SLC15A2: variants seen among roughly 807,000 people sequenced by gnomAD.
The protein encoded by SLC15A2 is solute carrier family 15 member 2.
In SLC15A2, 77 loss-of-function variants were observed where a neutral mutation model predicts 95.5. The observed-to-expected ratio is 0.81, with a 90% CI of 0.67 to 0.97. The LOEUF is 0.97. SLC15A2 is among the 50% of genes least tolerant of loss of function. SLC15A2 has a pLI of 0.00. For synonymous variants in SLC15A2, 306 were observed against 306.9 expected (o/e 1.00, Z 0.03); for missense variants, 893 against 874.4 (o/e 1.02, Z -0.27).
At chr3:121,905,924 T>A (rs995359354) in intron 3 of SLC15A2, among the ~76,000 whole-genome samples, 4 of 152,146 alleles carry the variant, frequency 2.6e-5, no homozygotes, top group Admixed American at 2.0e-4. Flanking sequence ...TATCTCATTG[T>A]TCTGTCTAAT....
At chr3:121,931,049 A>G (rs1324068370) in intron 18 of SLC15A2, 99 bp downstream of exon 18, 2 of 725,272 alleles carry the variant, frequency 2.8e-6, no homozygotes, top group African/African-American at 3.5e-5. Context: ...CATGTGGTCT[A>G]ATTTTGAGTA....
rs1354632255 is a variant in SLC15A2, at chr3:121,897,372, T to G, written c.194-16T>G. ...TTGTTTTGTCTCCCCACGCCTCCTT[T>G]TTTTTCCCACTACAGCTGTGCTGAT... On this transcript the variant is annotated splice_polypyrimidine_tract_variant and intron_variant, in intron 2 of 21. Transcript: ENST00000489711. 1 of 1,611,824 alleles carries G rather than the reference T, an allele frequency of 6.2e-7. No homozygotes were observed. The highest frequency in any genetic ancestry group is 1.1e-5 in the South Asian group (1 of 90,398).
At chr3:121,896,598 T>C (rs1347287599) in intron 2 of SLC15A2, 105 bp downstream of exon 2, 1 of 900,246 alleles carries the variant, frequency 1.1e-6, no homozygotes, top group Non-Finnish European at 1.8e-6. Context: ...GAGTCCACTC[T>C]TTCTGCCTTG....
At chr3:121,908,138 C>A (rs936631873) in intron 3 of SLC15A2, among the ~76,000 whole-genome samples, 2 of 152,250 alleles carry the variant, frequency 1.3e-5, no homozygotes, top group East Asian at 3.9e-4. Flanking sequence ...CGATCTCAGA[C>A]TGCTGCGCTA....
chr3:121,898,651 C>G (rs1470293628), intron 3 of SLC15A2, among the ~76,000 whole-genome samples: 1 of 152,152 alleles, frequency 6.6e-6, no homozygotes, highest in African/African-American at 2.4e-5. Context: ...CTGAGCAAAG[C>G]TAAAAATGTT....
intron 19 of SLC15A2, among the ~76,000 whole-genome samples, chr3:121,934,572 A>G (rs1269943906): frequency 6.0e-5 from 9 of 149,640 alleles, no homozygotes; most frequent in South Asian, 2.1e-4. Context: ...TTTGTCTGTT[A>G]TTGGTGTATA....
chr3:121,906,426 G>A (rs1035030127), intron 3 of SLC15A2, among the ~76,000 whole-genome samples: 10 of 152,142 alleles, frequency 6.6e-5, no homozygotes, highest in East Asian at 1.9e-4. Flanking sequence ...TATTTTGCCC[G>A]TTAGTTGATG....
Position 121,894,529 on chromosome 3 carries a change from C to G in SLC15A2, c.53C>G (p.Ser18Cys). The G allele has an allele frequency of 6.2e-7, 1 of 1,614,042 alleles. No individual in the cohort carries two copies. The highest frequency in any genetic ancestry group is 8.5e-7 in the Non-Finnish European group (1 of 1,179,946). The change falls in exon 1 of 22, where the codon TCC (serine) becomes TGC (cysteine). Residue 18 changes from serine (S) to cysteine (C), a missense_variant. Transcript: ENST00000489711. ...AAGGAAACTCTTTTTTCACCTGTCT[C>G]CATTGAAGAGGTACCACCTCGACCA... ...ESKETLFSPV[S>C]IEEVPPRPPS... is the part of the protein sequence containing the mutation.
intron 10 of SLC15A2, 21 bp downstream of exon 10, chr3:121,923,150 C>T: frequency 2.5e-6 from 4 of 1,612,988 alleles, no homozygotes; most frequent in Middle Eastern, 1.7e-4. Context: ...TTCTTTTGGA[C>T]ATTACCGCTC....
Position 121,926,264 on chromosome 3 carries a change from G to A in SLC15A2, c.1124+1231G>A, listed in dbSNP as rs536618631. Among the ~76,000 whole-genome samples, 3 of 152,290 alleles carry A rather than the reference G, an allele frequency of 2.0e-5. No individual in the cohort carries two copies. In the South Asian group the frequency reaches 6.2e-4, roughly 32 times the overall value. ...TAATCCCCAATGTTGGATGTTGGAG[G>A]TGGGGTCTGGTGGGAGGTAGTCGGA... is the stretch of plus-strand genomic sequence containing the variant. On this transcript the variant is annotated intron_variant, in intron 13 of 21. Coordinates refer to ENST00000489711, the MANE Select transcript of SLC15A2 (RefSeq NM_021082.4).
chr3:121,940,665 T>C (rs989157686), intron 21 of SLC15A2, among the ~76,000 whole-genome samples, 166 bp from the exon 22 acceptor site: 5 of 152,198 alleles, frequency 3.3e-5, no homozygotes, highest in African/African-American at 1.2e-4. Flanking sequence ...CAATAATGAC[T>C]ACAATATACC....
chr3:121,931,936 A>G (rs6799626), intron 19 of SLC15A2, among the ~76,000 whole-genome samples: 3,923 of 152,184 alleles, frequency 0.026, 148 homozygotes, highest in African/African-American at 0.089. Flanking sequence ...TTTCGCTCTC[A>G]TCGCGCAGGC....
chr3:121,930,203 C>T (rs1276883265), intron 17 of SLC15A2, among the ~76,000 whole-genome samples: 1 of 152,002 alleles, frequency 6.6e-6, no homozygotes, highest in Non-Finnish European at 1.5e-5. Context: ...GGCCAGAGAC[C>T]AAATCAAAAG....
intron 19 of SLC15A2, 63 bp from the exon 20 acceptor site, chr3:121,939,286 T>A (rs1710413943): frequency 2.4e-6 from 3 of 1,262,876 alleles, no homozygotes; most frequent in African/African-American, 1.5e-5. Flanking sequence ...CGTAGAATGC[T>A]GTAGTTAGAA....
intron 14 of SLC15A2, 58 bp from the exon 15 acceptor site, chr3:121,928,363 G>A: frequency 6.3e-7 from 1 of 1,582,534 alleles, no homozygotes; most frequent in Admixed American, 1.8e-5. Flanking sequence ...GATATGTGTT[G>A]CCATTGTATC....
intron 9 of SLC15A2, 80 bp downstream of exon 9, chr3:121,922,941 C>A: frequency 6.5e-7 from 1 of 1,532,810 alleles, no homozygotes; most frequent in South Asian, 1.1e-5. Context: ...CTACTGCATT[C>A]AACCTCCTCT....
chr3:121,932,114 G>A (rs1447168056), intron 19 of SLC15A2, among the ~76,000 whole-genome samples: 2 of 152,104 alleles, frequency 1.3e-5, no homozygotes, highest in Non-Finnish European at 2.9e-5. Flanking sequence ...GTGTTGGCCA[G>A]GCTGGTCTCA....
Position 121,942,500 on chromosome 3 carries a change from A to C in SLC15A2, c.*1493A>C, listed in dbSNP as rs1710480339. On this transcript the variant is annotated 3_prime_UTR_variant, in exon 22 of 22. Transcript: ENST00000489711. ...AATATTAACAGATAATGTTACTGTT[A>C]ACAGGTAAGAGAAATTGCTCTAAGT... 1 of 152,230 alleles carries C rather than the reference A, an allele frequency of 6.6e-6. No individual in the cohort carries two copies. The highest frequency in any genetic ancestry group is 2.4e-5 in the African/African-American group (1 of 41,458). The allele number at this position is 152,230 out of a possible 1,614,324, so 9.4% of individuals were successfully genotyped here.
chr3:121,925,777 T>TATAC (rs1710109148), intron 13 of SLC15A2, among the ~76,000 whole-genome samples: 5 of 35,266 alleles, frequency 1.4e-4, no homozygotes, highest in African/African-American at 6.1e-4. Flanking sequence ...TATATATATA[T>TATAC]ATATAAAATA....
Sources: gnomAD v4.1 joint callset for allele counts (sites outside exome capture counted in the v4.1 genomes callset) on GRCh38, gnomAD v4.1.1 for gene constraint, MANE v1.5 for transcripts, NCBI Gene and HGNC (gene_info 2026-07-23, HGNC 2026-07-21) for gene names.